Variants in PAWR observed in about 807,000 individuals in gnomAD.
PAWR encodes the protein PRKC apoptosis WT1 regulator protein.
In PAWR, 23 loss-of-function variants were observed where a neutral mutation model predicts 32.0. That is an observed-to-expected ratio of 0.72 (90% CI 0.52 to 1.02). PAWR has a LOEUF of 1.02. PAWR is among the 50% of genes least tolerant of loss of function. PAWR has a pLI of 0.00. For missense variants in PAWR, 457 were observed against 437.7 expected (o/e 1.04, Z -0.39); for synonymous variants, 226 against 187.1 (o/e 1.21, Z -1.70).
intron 2 of PAWR, among the ~76,000 whole-genome samples, chr12:79,683,239 A>C (rs1247925034): frequency 2.0e-5 from 3 of 152,254 alleles, no homozygotes; most frequent in Non-Finnish European, 4.4e-5. Flanking sequence ...ACAACCTCAT[A>C]GGAAATTAAC....
chr12:79,676,552 A>G (rs1477584602), intron 2 of PAWR, among the ~76,000 whole-genome samples: 2 of 147,194 alleles, frequency 1.4e-5, no homozygotes, highest in Non-Finnish European at 3.1e-5. Context: ...CCTTATCTCT[A>G]TTCTCTCTTT....
rs114957705 is a variant in PAWR at position 79,641,257 on chromosome 12, G to A, written c.517-20050C>T. On this transcript the variant is annotated intron_variant, in intron 2 of 6. Coordinates refer to ENST00000328827, the MANE Select transcript of PAWR (RefSeq NM_002583.4). ...ACATAGCACCTACGTGACAGCCATT[G>A]TTCTAAGAGCTTTTCAGAGCAAAAC... Among the ~76,000 whole-genome samples, 991 of 152,236 alleles carry A rather than the reference G, an allele frequency of 6.5e-3. 11 individuals are homozygous for A. The highest frequency in any genetic ancestry group is 0.02 in the African/African-American group (811 of 41,546).
intron 2 of PAWR, among the ~76,000 whole-genome samples, chr12:79,626,203 A>T (rs1232872502): frequency 2.0e-5 from 3 of 150,752 alleles, no homozygotes; most frequent in Admixed American, 1.3e-4. Flanking sequence ...TATATATATA[A>T]AATGAAGAAT....
intron 2 of PAWR, among the ~76,000 whole-genome samples, chr12:79,630,299 T>TCA (rs2136741031): frequency 7.5e-6 from 1 of 133,266 alleles, no homozygotes; most frequent in East Asian, 2.0e-4. Context: ...TTTGTGCCAC[T>TCA]AATATATATA....
At position 79,590,831 on chromosome 12, in the gene PAWR, G is replaced by A. The variant is rs1873532720; in HGVS notation, c.*1776C>T. The A allele has an allele frequency of 1.3e-5, 2 of 152,210 alleles. No individual in the cohort carries two copies. The highest frequency in any genetic ancestry group is 4.1e-4 in the South Asian group (2 of 4,830). The allele number at this position is 152,210 out of a possible 1,614,324, so 9.4% of individuals were successfully genotyped here. ...CTCCAAGAAGGGAAGCCCTTATGCA[G>A]TAATTCTGTAACTATATTAAATTTG... On this transcript the variant is annotated 3_prime_UTR_variant, in exon 7 of 7. Coordinates refer to ENST00000328827, the MANE Select transcript of PAWR (RefSeq NM_002583.4).
intron 4 of PAWR, among the ~76,000 whole-genome samples, chr12:79,610,612 T>C (rs1284887263): frequency 6.6e-6 from 1 of 152,068 alleles, no homozygotes; most frequent in Non-Finnish European, 1.5e-5. Context: ...ATACTCATGT[T>C]ACATTAGGTG....
At chr12:79,633,303 T>G (rs1001094572) in intron 2 of PAWR, among the ~76,000 whole-genome samples, 8 of 151,912 alleles carry the variant, frequency 5.3e-5, no homozygotes, top group African/African-American at 1.9e-4. Flanking sequence ...AGAACACAAT[T>G]AAAAAAACAA....
intron 4 of PAWR, chr12:79,598,132 A>T (rs1873831262): frequency 6.6e-6 from 1 of 152,208 alleles, no homozygotes; most frequent in African/African-American, 2.4e-5. Flanking sequence ...AAAGTGACAT[A>T]CTATCACACT....
chr12:79,656,636 A>G (rs1342219333), intron 2 of PAWR, among the ~76,000 whole-genome samples: 3 of 152,232 alleles, frequency 2.0e-5, no homozygotes, highest in African/African-American at 7.2e-5. Context: ...ACAGGTCTCA[A>G]GCTCAAGAGG....
intron 2 of PAWR, among the ~76,000 whole-genome samples, chr12:79,670,748 T>A (rs1012874067): frequency 1.5e-4 from 23 of 152,156 alleles, no homozygotes; most frequent in Admixed American, 1.0e-3. Context: ...AAGGCTATCA[T>A]AAGCTGAACT....
At chr12:79,667,097 C>G (rs1040594623) in intron 2 of PAWR, among the ~76,000 whole-genome samples, 24 of 152,194 alleles carry the variant, frequency 1.6e-4, no homozygotes, top group African/African-American at 5.3e-4. Flanking sequence ...CAAAACCAAA[C>G]TGTGCCCCGA....
At chr12:79,596,780 T>G in intron 4 of PAWR, 122 bp from the exon 5 acceptor site, 1 of 568,488 alleles carries the variant, frequency 1.8e-6, no homozygotes, top group East Asian at 3.1e-5. Flanking sequence ...TAGTAGCAAC[T>G]TATTTGTAAC....
At chr12:79,682,289 T>C (rs542441099) in intron 2 of PAWR, among the ~76,000 whole-genome samples, 1 of 152,180 alleles carries the variant, frequency 6.6e-6, no homozygotes, top group South Asian at 2.1e-4. Flanking sequence ...AGTGGTAGCA[T>C]TAGAGGTGTG....
Position 79,631,895 on chromosome 12 carries a change from G to T in PAWR, c.517-10688C>A, listed in dbSNP as rs567191013. Among the ~76,000 whole-genome samples the T allele has an allele frequency of 2.6e-5, 4 of 152,026 alleles. No homozygotes were observed. In the South Asian group the frequency reaches 6.2e-4, roughly 24 times the overall value. On this transcript the variant is annotated intron_variant, in intron 2 of 6. Coordinates refer to ENST00000328827, the MANE Select transcript of PAWR (RefSeq NM_002583.4). ...ACACCTGTAATCCTAGCACTTTGGA[G>T]GCCCAGGCAGGTGGATTGCCTGAGC...
intron 2 of PAWR, among the ~76,000 whole-genome samples, chr12:79,671,268 TTTCTC>T (rs1877886123): frequency 2.0e-5 from 3 of 152,228 alleles, no homozygotes; most frequent in Non-Finnish European, 4.4e-5. Context: ...TGAAATCTCT[TTTCTC>T]TAATCAATTT....
At chr12:79,607,538 G>A (rs903619844) in intron 4 of PAWR, among the ~76,000 whole-genome samples, 2 of 151,864 alleles carry the variant, frequency 1.3e-5, no homozygotes, top group Non-Finnish European at 2.9e-5. Context: ...GGATCACCCT[G>A]GGCAACACAG....
chr12:79,669,778 G>C (rs553178288), intron 2 of PAWR, among the ~76,000 whole-genome samples: 1 of 151,860 alleles, frequency 6.6e-6, no homozygotes, highest in East Asian at 1.9e-4. Context: ...TGTCACCCAG[G>C]CTGGAGTACA....
At chr12:79,677,480 AAGAC>A (rs1180901309) in intron 2 of PAWR, among the ~76,000 whole-genome samples, 1 of 152,232 alleles carries the variant, frequency 6.6e-6, no homozygotes, top group Non-Finnish European at 1.5e-5. Context: ...ATGAAATAAT[AAGAC>A]AATGTCAAGT....
intron 2 of PAWR, among the ~76,000 whole-genome samples, chr12:79,647,188 AAAG>A (rs979378934): frequency 3.9e-5 from 6 of 151,902 alleles, no homozygotes; most frequent in Non-Finnish European, 8.8e-5. Flanking sequence ...AAAAAAAAAA[AAAG>A]AAAAGGAAAG....
Sources: allele counts gnomAD v4.1 joint callset (sites outside exome capture counted in the v4.1 genomes callset), GRCh38; gene constraint gnomAD v4.1.1; transcripts MANE v1.5; gene names NCBI Gene and HGNC (gene_info 2026-07-23, HGNC 2026-07-21).